PCDH15: variants seen among roughly 807,000 people sequenced by gnomAD.
PCDH15 encodes the protein protocadherin-15.
In PCDH15, 129 loss-of-function variants were observed where a neutral mutation model predicts 178.5. The ratio of observed to expected loss-of-function variants is 0.72; its 90% CI spans 0.63 to 0.84. The LOEUF (loss-of-function observed/expected upper bound fraction) is 0.84. PCDH15 is among the 40% of genes least tolerant of loss of function. PCDH15 has a pLI of 0.00. For missense variants in PCDH15, 2,230 were observed against 2,099.9 expected (o/e 1.06, Z -1.21); for synonymous variants, 800 against 732.0 (o/e 1.09, Z -1.50).
chr10:54,968,729 T>G (rs61850894), intron 2 of PCDH15, among the ~76,000 whole-genome samples: 6 of 151,998 alleles, frequency 3.9e-5, no homozygotes, highest in Admixed American at 3.9e-4. Flanking sequence ...TTTCCCTTCC[T>G]CTTTCAAGAA....
intron 2 of PCDH15, among the ~76,000 whole-genome samples, chr10:55,143,383 A>C (rs1013590705): frequency 6.6e-6 from 1 of 152,128 alleles, no homozygotes; most frequent in Non-Finnish European, 1.5e-5. Context: ...TAGATATAAA[A>C]GTAATTTAAA....
At chr10:54,590,552 A>T (rs747938768) in intron 2 of PCDH15, among the ~76,000 whole-genome samples, 5 of 152,168 alleles carry the variant, frequency 3.3e-5, no homozygotes, top group African/African-American at 4.8e-5. Context: ...TTATCTACGG[A>T]GAATTATTTT....
chr10:55,248,285 CTT>C (rs1371885017), intron 1 of PCDH15, among the ~76,000 whole-genome samples: 3 of 151,770 alleles, frequency 2.0e-5, no homozygotes, highest in Non-Finnish European at 4.4e-5. Flanking sequence ...GAAAAAAACA[CTT>C]ATTATACATG....
At chr10:55,392,056 G>A (rs1837806265) in intron 2 of PCDH15, among the ~76,000 whole-genome samples, 1 of 152,178 alleles carries the variant, frequency 6.6e-6, no homozygotes, top group Non-Finnish European at 1.5e-5. Flanking sequence ...TCGGGAAAGA[G>A]TCTTGGTGCA....
At chr10:55,437,899 G>A (rs1446074536) in intron 2 of PCDH15, among the ~76,000 whole-genome samples, 1 of 145,646 alleles carries the variant, frequency 6.9e-6, no homozygotes, top group African/African-American at 2.6e-5. Context: ...GTGCAATGGC[G>A]TGATCTCGGC....
chr10:55,177,350 G>T (rs1214445707), intron 1 of PCDH15, among the ~76,000 whole-genome samples: 1 of 152,160 alleles, frequency 6.6e-6, no homozygotes, highest in Non-Finnish European at 1.5e-5. Flanking sequence ...AACAAGCCTT[G>T]TCTGAGGCAT....
intron 2 of PCDH15, among the ~76,000 whole-genome samples, chr10:54,567,069 C>T (rs1367429635): frequency 6.6e-6 from 1 of 152,074 alleles, no homozygotes; most frequent in Non-Finnish European, 1.5e-5. Flanking sequence ...AAATTTATAT[C>T]CCCTTGATAA....
At chr10:55,626,551 TA>T (rs1837534102) in intron 2 of PCDH15, among the ~76,000 whole-genome samples, 1 of 152,194 alleles carries the variant, frequency 6.6e-6, no homozygotes, top group East Asian at 1.9e-4. Context: ...ACCACTCTCT[TA>T]AGGTTAACTT....
intron 2 of PCDH15, chr10:55,468,277 G>C (rs1565170738): frequency 6.6e-6 from 1 of 152,054 alleles, no homozygotes; most frequent in Non-Finnish European, 1.5e-5. Context: ...TTTCGTTGTC[G>C]TTGTTGTTAG....
At chr10:54,344,062 G>A (rs1942784119) in intron 6 of PCDH15, among the ~76,000 whole-genome samples, 1 of 152,054 alleles carries the variant, frequency 6.6e-6, no homozygotes, top group Non-Finnish European at 1.5e-5. Context: ...TTTTCTCACA[G>A]GTCTTACAAG....
At chr10:55,327,862 C>T (rs1020610638) in intron 2 of PCDH15, among the ~76,000 whole-genome samples, 5 of 151,978 alleles carry the variant, frequency 3.3e-5, no homozygotes, top group African/African-American at 9.7e-5. Context: ...TCTCCCTCTA[C>T]AGTCCATGTA....
chr10:54,660,644 A>G (rs1281600508), intron 2 of PCDH15, among the ~76,000 whole-genome samples: 1 of 152,062 alleles, frequency 6.6e-6, no homozygotes, highest in Non-Finnish European at 1.5e-5. Context: ...AAAACCTAGC[A>G]CTGAACACAT....
At chr10:54,250,847 A>T (rs1164005573) in intron 8 of PCDH15, among the ~76,000 whole-genome samples, 2 of 152,046 alleles carry the variant, frequency 1.3e-5, no homozygotes, top group Admixed American at 6.6e-5. Flanking sequence ...TCTCTCTCTC[A>T]CACACACACA....
At chr10:53,824,780 C>G (rs2076564288) in intron 32 of PCDH15, among the ~76,000 whole-genome samples, 1 of 151,928 alleles carries the variant, frequency 6.6e-6, no homozygotes, top group Non-Finnish European at 1.5e-5. Flanking sequence ...ATGGATATAA[C>G]AATATCACAT....
intron 25 of PCDH15, among the ~76,000 whole-genome samples, chr10:53,905,791 C>T (rs1359775959): frequency 6.6e-6 from 1 of 151,932 alleles, no homozygotes; most frequent in East Asian, 1.9e-4. Context: ...TGGGAAAAGG[C>T]CTATGGATAA....
At chr10:54,120,728 T>A (rs1052368757) in intron 15 of PCDH15, among the ~76,000 whole-genome samples, 2 of 152,060 alleles carry the variant, frequency 1.3e-5, no homozygotes, top group South Asian at 2.1e-4. Flanking sequence ...AAGGGTTCAA[T>A]TCAAAAAGAA....
At chr10:54,539,631 T>C (rs1456155729) in intron 2 of PCDH15, among the ~76,000 whole-genome samples, 1 of 152,172 alleles carries the variant, frequency 6.6e-6, no homozygotes, top group African/African-American at 2.4e-5. Context: ...AAATTGAGCA[T>C]AATTGATGTT....
At chr10:55,585,721 ATGTATG>A (rs1440258662) in intron 2 of PCDH15, among the ~76,000 whole-genome samples, 2 of 152,010 alleles carry the variant, frequency 1.3e-5, no homozygotes, top group African/African-American at 4.8e-5. Flanking sequence ...CATCTCAAGT[ATGTATG>A]TGTATATGTG....
chr10:55,483,397 A>T (rs1199647084), intron 2 of PCDH15, among the ~76,000 whole-genome samples: 2 of 151,862 alleles, frequency 1.3e-5, no homozygotes, highest in Non-Finnish European at 2.9e-5. Flanking sequence ...TATTAGAGAA[A>T]CACAAATGAA....
Sources: gnomAD v4.1 joint callset for allele counts (sites outside exome capture counted in the v4.1 genomes callset) on GRCh38, gnomAD v4.1.1 for gene constraint, MANE v1.5 for transcripts, NCBI Gene and HGNC (gene_info 2026-07-23, HGNC 2026-07-21) for gene names.